Variants in DIS3L2 observed in about 807,000 individuals in gnomAD.
DIS3L2 encodes DIS3-like exonuclease 2.
A neutral mutation model predicts 97.5 loss-of-function variants in DIS3L2; 34 were observed. The observed-to-expected ratio is 0.35, with a 90% CI of 0.27 to 0.46. The LOEUF (loss-of-function observed/expected upper bound fraction) is 0.46. Among genes scored for constraint, DIS3L2 ranks in the 20% least tolerant of loss-of-function variants. DIS3L2 has a pLI of 1.00. For missense variants in DIS3L2, 1,038 were observed against 1,146.0 expected, an observed-to-expected ratio of 0.91 and a Z score of 1.36; for synonymous variants, 435 against 445.2, an observed-to-expected ratio of 0.98 and a Z score of 0.29.
intron 10 of DIS3L2, among the ~76,000 whole-genome samples, chr2:232,218,441 C>T (rs146672217): frequency 2.4e-4 from 37 of 152,236 alleles, no homozygotes; most frequent in African/African-American, 8.2e-4. Context: ...ACAGAGGTTG[C>T]AGTGATCCAT....
chr2:232,101,064 C>T lies in DIS3L2; in HGVS notation c.601+13343C>T, dbSNP rs527801959. Among the ~76,000 whole-genome samples the T allele has an allele frequency of 3.3e-5, 5 of 151,796 alleles. No homozygotes were observed. In the East Asian group the frequency reaches 7.7e-4, roughly 23 times the overall value. On this transcript the variant is annotated intron_variant, in intron 6 of 20. Coordinates refer to ENST00000325385, the MANE Select transcript of DIS3L2 (RefSeq NM_152383.5). The stretch of plus-strand genomic sequence containing the variant: ...CAGCCTGGACAACGTGGTGAAACCC[C>T]GTCTCTACTAAAAATACAAAAATTA...
intron 1 of DIS3L2, among the ~76,000 whole-genome samples, chr2:231,971,958 G>C (rs894752114): frequency 1.3e-5 from 2 of 150,942 alleles, no homozygotes; most frequent in Non-Finnish European, 3.0e-5. Context: ...AGGCCGAGGC[G>C]GATGGATCAC....
intron 5 of DIS3L2, among the ~76,000 whole-genome samples, chr2:232,057,423 A>G (rs1444101890): frequency 1.3e-5 from 2 of 152,146 alleles, no homozygotes; most frequent in African/African-American, 4.8e-5. Context: ...TGCAGATGTT[A>G]TTGAAGTCCC....
intron 6 of DIS3L2, among the ~76,000 whole-genome samples, chr2:232,105,621 G>A (rs1697336925): frequency 6.6e-6 from 1 of 152,078 alleles, no homozygotes; most frequent in African/African-American, 2.4e-5. Context: ...ACATTACAAA[G>A]GACTTATTTT....
At chr2:232,007,861 C>G (rs1220678219) in intron 1 of DIS3L2, among the ~76,000 whole-genome samples, 1 of 151,990 alleles carries the variant, frequency 6.6e-6, no homozygotes, top group African/African-American at 2.4e-5. Context: ...AGAATGAATT[C>G]TCTATTTTCT....
Position 232,293,648 on chromosome 2 carries a change from T to C in DIS3L2, c.1660-6392T>C, listed in dbSNP as rs572779176. 6.6e-4 allele frequency among the ~76,000 whole-genome samples: 101 copies of C among 152,192 alleles called. No individual in the cohort carries two copies. Among genetic ancestry groups the C allele is most frequent in the Non-Finnish European group, 1.1e-3 (77 of 68,020 alleles). ...CCTGTAAGACTCCTTCTGTCTGTCC[T>C]GAGGGCCTCCCTGGCTGGCACACCC... On this transcript the variant is annotated intron_variant, in intron 13 of 20. Transcript: ENST00000325385. This position sits in a 1 kb window ranked among gnomAD's most constrained non-coding sequence, Gnocchi z 4.6.
At chr2:232,116,909 G>A (rs1324794478) in intron 6 of DIS3L2, among the ~76,000 whole-genome samples, 1 of 152,148 alleles carries the variant, frequency 6.6e-6, no homozygotes, top group Non-Finnish European at 1.5e-5. Flanking sequence ...CCCTGTTCCT[G>A]TAAGTGGAAC....
chr2:231,973,209 A>G (rs1692972854), intron 1 of DIS3L2, among the ~76,000 whole-genome samples: 1 of 152,214 alleles, frequency 6.6e-6, no homozygotes, highest in Admixed American at 6.5e-5. Flanking sequence ...ATATAAGGCT[A>G]TTAAAGTTAT....
intron 13 of DIS3L2, among the ~76,000 whole-genome samples, chr2:232,295,572 C>G (rs890667453): frequency 6.6e-6 from 1 of 152,182 alleles, no homozygotes; most frequent in African/African-American, 2.4e-5. Context: ...AAACAAGTCT[C>G]TGTCATCTTT....
At chr2:232,126,148 A>C (rs529777593) in intron 6 of DIS3L2, among the ~76,000 whole-genome samples, 195 of 152,298 alleles carry the variant, frequency 1.3e-3, no homozygotes, top group Non-Finnish European at 2.3e-3. Flanking sequence ...TTGTCTCTTC[A>C]TTCCAGGGTT....
chr2:232,234,168 T>A (rs1574962453), intron 10 of DIS3L2, among the ~76,000 whole-genome samples: 1 of 152,206 alleles, frequency 6.6e-6, no homozygotes, highest in African/African-American at 2.4e-5. Context: ...GTTTTGAATC[T>A]GGGATTTCTC....
chr2:232,097,926 G>A (rs1332821148), intron 6 of DIS3L2, among the ~76,000 whole-genome samples: 1 of 152,220 alleles, frequency 6.6e-6, no homozygotes, highest in Non-Finnish European at 1.5e-5. Flanking sequence ...GAGTATCACG[G>A]CTGGTTATTC....
chr2:232,089,846 C>T lies in DIS3L2; in HGVS notation c.601+2125C>T, dbSNP rs192693120. Reference sequence around the variant, plus strand: ...AATGGATGTCTGGGTTGGATGCTAACGGTTTACTTTGCTGGCATCCAACCC... The same window carrying T: ...AATGGATGTCTGGGTTGGATGCTAATGGTTTACTTTGCTGGCATCCAACCC... On this transcript the variant is annotated intron_variant, in intron 6 of 20. Coordinates refer to ENST00000325385, the MANE Select transcript of DIS3L2 (RefSeq NM_152383.5). Among the ~76,000 whole-genome samples, 428 of 152,272 alleles carry T rather than the reference C, an allele frequency of 2.8e-3. 1 individual carries two copies. The highest frequency in any genetic ancestry group is 4.6e-3 in the Non-Finnish European group (316 of 68,018).
chr2:232,238,437 G>A (rs1332125691), intron 10 of DIS3L2, 96 bp from the exon 11 acceptor site: 9 of 977,588 alleles, frequency 9.2e-6, no homozygotes, highest in Non-Finnish European at 1.4e-5. Flanking sequence ...AGGTCCTGTG[G>A]CCTCTGGGAG....
At chr2:232,247,632 GGGGC>G (rs1693295721) in intron 11 of DIS3L2, among the ~76,000 whole-genome samples, 3 of 68,630 alleles carry the variant, frequency 4.4e-5, no homozygotes, top group Admixed American at 1.2e-4. Flanking sequence ...GGGGGGGGGG[GGGGC>G]GGGGGGGAGG....
chr2:231,997,576 C>T (rs943601225), intron 1 of DIS3L2, among the ~76,000 whole-genome samples: 1 of 152,160 alleles, frequency 6.6e-6, no homozygotes, highest in Non-Finnish European at 1.5e-5. Flanking sequence ...TCAAAATTGT[C>T]AGTTGTTGGG....
chr2:232,156,672 C>T (rs974760523), intron 8 of DIS3L2, among the ~76,000 whole-genome samples: 1 of 152,022 alleles, frequency 6.6e-6, no homozygotes, highest in Non-Finnish European at 1.5e-5. Context: ...CATTTAGGTC[C>T]GTATTGTATC....
At chr2:232,322,770 C>T (rs747418604) in intron 14 of DIS3L2, among the ~76,000 whole-genome samples, 4 of 152,176 alleles carry the variant, frequency 2.6e-5, no homozygotes, top group Non-Finnish European at 4.4e-5. Context: ...AGGAGAGAGA[C>T]GGAGAGAAAG....
At chr2:232,229,628 G>C (rs1692739041) in intron 10 of DIS3L2, among the ~76,000 whole-genome samples, 1 of 152,192 alleles carries the variant, frequency 6.6e-6, no homozygotes, top group Non-Finnish European at 1.5e-5. Context: ...GAGAAAAAGT[G>C]GAATTTACTA....
Sources: allele counts gnomAD v4.1 joint callset (sites outside exome capture counted in the v4.1 genomes callset), GRCh38; gene constraint gnomAD v4.1.1; non-coding constraint Gnocchi (gnomAD v3.1); transcripts MANE v1.5; gene names NCBI Gene and HGNC (gene_info 2026-07-23, HGNC 2026-07-21).